Variants in TYR observed in about 807,000 individuals in gnomAD.
TYR encodes the protein LB24-AB.
TYR carries 58 observed loss-of-function variants against 51.5 expected under a neutral mutation model. The observed-to-expected ratio is 1.13, with a 90% confidence interval of 0.91 to 1.40. The LOEUF (loss-of-function observed/expected upper bound fraction) is 1.40, where lower values mean the gene tolerates loss of function less well. TYR is among the 40% of genes most tolerant of loss of function. The pLI is 0.00. For synonymous variants in TYR, 263 were observed against 235.2 expected, an observed-to-expected ratio of 1.12 and a Z score of -1.08; for missense variants, 732 against 647.4, an observed-to-expected ratio of 1.13 and a Z score of -1.42.
chr11:89,249,858 T>C (rs1278968139), intron 3 of TYR, among the ~76,000 whole-genome samples: 1 of 151,954 alleles, frequency 6.6e-6, no homozygotes. Flanking sequence ...GTACTGGAGA[T>C]GTGAAATCTA....
intron 2 of TYR, among the ~76,000 whole-genome samples, chr11:89,211,675 T>C (rs547576198): frequency 6.7e-6 from 1 of 149,408 alleles, no homozygotes; most frequent in African/African-American, 2.4e-5. Context: ...CATCACACTG[T>C]AAAATTGACC....
chr11:89,267,035 T>C (rs1944533662), intron 3 of TYR, among the ~76,000 whole-genome samples: 1 of 151,888 alleles, frequency 6.6e-6, no homozygotes, highest in African/African-American at 2.4e-5. Flanking sequence ...ATAGTAGATA[T>C]ATGATAAACT....
chr11:89,265,661 A>G (rs1044882339), intron 3 of TYR, among the ~76,000 whole-genome samples: 93 of 152,114 alleles, frequency 6.1e-4, no homozygotes, highest in African/African-American at 2.1e-3. Flanking sequence ...AGGGGGTTTC[A>G]CTAGTCTCTC....
At chr11:89,289,973 GC>G (rs1944837704) in intron 4 of TYR, among the ~76,000 whole-genome samples, 1 of 151,994 alleles carries the variant, frequency 6.6e-6, no homozygotes, top group Non-Finnish European at 1.5e-5. Context: ...TGTACCAAGG[GC>G]TATACATACA....
intron 3 of TYR, among the ~76,000 whole-genome samples, chr11:89,236,600 A>T (rs187341727): frequency 6.6e-6 from 1 of 152,334 alleles, no homozygotes; most frequent in Admixed American, 6.5e-5. Flanking sequence ...GTGGGTTACC[A>T]CAGAATATTG....
intron 1 of TYR, among the ~76,000 whole-genome samples, chr11:89,181,044 A>G (rs917831074): frequency 1.3e-5 from 2 of 152,122 alleles, no homozygotes; most frequent in Admixed American, 6.5e-5. Flanking sequence ...GTGAGGTTGT[A>G]AAGTTCAAGA....
At position 89,280,467 on chromosome 11, in the gene TYR, T is replaced by G. The variant is rs1944708210; in HGVS notation, c.1185-4306T>G. The stretch of plus-strand genomic sequence containing the variant: ...ACACTGTTGGAGTGTTTTTGATTTC[T>G]AGGCTTTCTTTCAATTTTTTCTTAG... On this transcript the variant is annotated intron_variant, in intron 3 of 4. Coordinates refer to ENST00000263321, the MANE Select transcript of TYR (RefSeq NM_000372.5). Among the ~76,000 whole-genome samples, 3 of 151,612 alleles carry G rather than the reference T, an allele frequency of 2.0e-5. No homozygotes were observed. The South Asian group carries it at 6.2e-4, about 31-fold the overall frequency.
At chr11:89,178,794 A>G (rs1459196512) in intron 1 of TYR, 22 bp downstream of exon 1, 5 of 1,611,954 alleles carry the variant, frequency 3.1e-6, no homozygotes, top group Non-Finnish European at 4.2e-6. Context: ...TAGATATACG[A>G]TGTCAGAGTA....
chr11:89,203,644 T>A (rs899481107), intron 2 of TYR, among the ~76,000 whole-genome samples: 1 of 152,146 alleles, frequency 6.6e-6, no homozygotes, highest in African/African-American at 2.4e-5. Flanking sequence ...CTAGGAATAT[T>A]GGGATCTCAC....
intron 3 of TYR, among the ~76,000 whole-genome samples, chr11:89,229,569 G>C (rs7941686): frequency 6.7e-6 from 1 of 149,788 alleles, no homozygotes; most frequent in Non-Finnish European, 1.5e-5. Context: ...CAAAAAAAAA[G>C]AAAAAGAAAA....
chr11:89,222,353 G>A (rs907122127), intron 2 of TYR, among the ~76,000 whole-genome samples: 1 of 152,124 alleles, frequency 6.6e-6, no homozygotes, highest in Non-Finnish European at 1.5e-5. Flanking sequence ...AGGTATGAGA[G>A]CTAAGCATCA....
At chr11:89,211,190 C>A (rs772689184) in intron 2 of TYR, among the ~76,000 whole-genome samples, 4 of 152,054 alleles carry the variant, frequency 2.6e-5, no homozygotes, top group African/African-American at 7.2e-5. Flanking sequence ...CAAGACCCAT[C>A]GATGTGCTAT....
At position 89,178,500 on chromosome 11, in the gene TYR, G is replaced by T; in HGVS notation, c.547G>T (p.Val183Leu). ...YDLFVWMHYY[V>L]SMDALLGGSE... Reference sequence around the variant, plus strand: ...CCTCTTTGTCTGGATGCATTATTATGTGTCAATGGATGCACTGCTTGGGGG... The same window carrying T: ...CCTCTTTGTCTGGATGCATTATTATTTGTCAATGGATGCACTGCTTGGGGG... Residue 183 changes from valine (V) to leucine (L), a missense_variant, in exon 1 of 5, where the codon GTG becomes TTG. Val to Leu is a conservative substitution (Grantham distance 32). Coordinates refer to ENST00000263321, the MANE Select transcript of TYR (RefSeq NM_000372.5). 6.2e-7 allele frequency: 1 copy of T among 1,614,158 alleles called. No individual in the cohort carries two copies. The highest frequency in any genetic ancestry group is 8.5e-7 in the Non-Finnish European group (1 of 1,180,032).
At chr11:89,280,956 A>T (rs1944714759) in intron 3 of TYR, among the ~76,000 whole-genome samples, 1 of 151,700 alleles carries the variant, frequency 6.6e-6, no homozygotes, top group African/African-American at 2.4e-5. Context: ...TTCCTCAGAG[A>T]TAGTTCATGT....
At chr11:89,245,941 C>CAAAAA in intron 3 of TYR, among the ~76,000 whole-genome samples, 1 of 150,632 alleles carries the variant, frequency 6.6e-6, no homozygotes, top group East Asian at 2.0e-4. Context: ...AACAAACAAA[C>CAAAAA]AAAAAAAACA....
intron 1 of TYR, among the ~76,000 whole-genome samples, chr11:89,180,612 A>G (rs1381559921): frequency 6.6e-6 from 1 of 152,184 alleles, no homozygotes; most frequent in Admixed American, 6.5e-5. Flanking sequence ...ACAATTATCA[A>G]CTTCAACCTT....
intron 1 of TYR, among the ~76,000 whole-genome samples, chr11:89,184,758 A>T (rs1361277762): frequency 1.3e-5 from 2 of 152,210 alleles, no homozygotes; most frequent in Non-Finnish European, 2.9e-5. Flanking sequence ...GTTCATTGCC[A>T]GTAAGAAAAT....
intron 3 of TYR, among the ~76,000 whole-genome samples, chr11:89,253,267 A>G (rs1021768486): frequency 1.3e-5 from 2 of 151,786 alleles, no homozygotes; most frequent in Non-Finnish European, 3.0e-5. Context: ...TACAAATGTT[A>G]ACTGCTTGAA....
chr11:89,223,697 A>G (rs529249051), intron 2 of TYR, among the ~76,000 whole-genome samples: 1 of 152,274 alleles, frequency 6.6e-6, no homozygotes, highest in East Asian at 1.9e-4. Context: ...AAAACAAACA[A>G]TTTGATCTCT....
Sources: allele counts gnomAD v4.1 joint callset (sites outside exome capture counted in the v4.1 genomes callset), GRCh38; gene constraint gnomAD v4.1.1; transcripts MANE v1.5; gene names NCBI Gene and HGNC (gene_info 2026-07-23, HGNC 2026-07-21).